The following TMEM131L variants were observed in gnomAD, a reference collection of about 807,000 sequenced individuals.
TMEM131L encodes transmembrane 131 like, also known as transmembrane protein 131-like.
A neutral mutation model predicts 192.2 loss-of-function variants in TMEM131L; 54 were observed. The observed-to-expected ratio is 0.28, with a 90% CI of 0.23 to 0.35. The LOEUF (loss-of-function observed/expected upper bound fraction) is 0.35, where lower values mean the gene tolerates loss of function less well. Ranked by LOEUF, TMEM131L falls within the 10% of genes least tolerant of loss-of-function variation. The pLI is 1.00. For missense variants in TMEM131L, 1,888 were observed against 1,972.9 expected (o/e 0.96, Z 0.82); for synonymous variants, 701 against 704.9 (o/e 0.99, Z 0.09).
intron 21 of TMEM131L, among the ~76,000 whole-genome samples, chr4:153,599,112 G>A (rs887415779): frequency 6.6e-5 from 10 of 152,144 alleles, no homozygotes; most frequent in African/African-American, 2.2e-4. Flanking sequence ...GCTGGCATCC[G>A]CTCAGCTTCT....
At chr4:153,582,671 C>A (rs916909864) in intron 9 of TMEM131L, among the ~76,000 whole-genome samples, 2 of 151,912 alleles carry the variant, frequency 1.3e-5, no homozygotes, top group East Asian at 3.9e-4. Context: ...CTCCTGTCCT[C>A]AGTGCTTGGT....
intron 3 of TMEM131L, among the ~76,000 whole-genome samples, chr4:153,543,762 A>G (rs1380151206): frequency 6.6e-6 from 1 of 152,144 alleles, no homozygotes; most frequent in Non-Finnish European, 1.5e-5. Context: ...CATCAGACAC[A>G]CTGTTTAGAA....
At chr4:153,556,846 G>A in intron 5 of TMEM131L, 120 bp from the exon 6 acceptor site, 1 of 481,048 alleles carries the variant, frequency 2.1e-6, no homozygotes, top group Non-Finnish European at 3.5e-6. Context: ...TCATAATACT[G>A]ATAAGGGTGC....
chr4:153,596,300 C>CATCT lies in TMEM131L; in HGVS notation c.2039_2042dup (p.Gln682SerfsTer17). 6.2e-7 allele frequency: 1 copy of CATCT among 1,614,006 alleles called. No individual in the cohort carries two copies. Among genetic ancestry groups the CATCT allele is most frequent in the Non-Finnish European group, 8.5e-7 (1 of 1,179,874 alleles). On this transcript the variant is annotated frameshift_variant, in exon 20 of 35. Transcript: ENST00000409959. LOFTEE classifies it high-confidence loss of function. ...ATCCAGGTTTGGCATCCTCCACTTACATCTGCAGCCTTTGGAAATGAAAAG... is the reference window on the plus strand; with the variant it reads ...ATCCAGGTTTGGCATCCTCCACTTACATCTATCTGCAGCCTTTGGAAATGAAAAG...
At chr4:153,579,641 C>T (rs1048860889) in intron 7 of TMEM131L, among the ~76,000 whole-genome samples, 1 of 152,030 alleles carries the variant, frequency 6.6e-6, no homozygotes, top group Non-Finnish European at 1.5e-5. Flanking sequence ...CTGGCTAATT[C>T]TGGTATTTTT....
At chr4:153,583,480 G>A (rs1730497911) in intron 10 of TMEM131L, 84 bp from the exon 11 acceptor site, 20 of 953,630 alleles carry the variant, frequency 2.1e-5, no homozygotes. Context: ...GCTGGTCTGT[G>A]CTATTTATTC....
chr4:153,624,990 C>T (rs981493249), intron 29 of TMEM131L, among the ~76,000 whole-genome samples: 3 of 152,330 alleles, frequency 2.0e-5, no homozygotes, highest in African/African-American at 4.8e-5. Flanking sequence ...TGTCTTGTCT[C>T]GCTCAGCCTT....
intron 2 of TMEM131L, among the ~76,000 whole-genome samples, chr4:153,470,675 G>A (rs1731088108): frequency 6.6e-6 from 1 of 152,218 alleles, no homozygotes; most frequent in East Asian, 1.9e-4. Context: ...AATTGGGTGT[G>A]TGCAGGATAC....
intron 7 of TMEM131L, among the ~76,000 whole-genome samples, chr4:153,565,227 C>G (rs1057183211): frequency 6.6e-6 from 1 of 152,148 alleles, no homozygotes; most frequent in Non-Finnish European, 1.5e-5. Flanking sequence ...TAATCTCTAT[C>G]AATTTCGTGT....
intron 19 of TMEM131L, 116 bp from the exon 20 acceptor site, chr4:153,596,142 G>C: frequency 1.7e-6 from 2 of 1,204,240 alleles, no homozygotes; most frequent in Admixed American, 2.0e-5. Context: ...TTGATTAGGA[G>C]GATCAAATCT....
At chr4:153,620,580 G>A (rs1733322254) in intron 26 of TMEM131L, among the ~76,000 whole-genome samples, 176 bp from the exon 27 acceptor site, 1 of 152,176 alleles carries the variant, frequency 6.6e-6, no homozygotes, top group Non-Finnish European at 1.5e-5. Context: ...TGTGGAGCTT[G>A]AGGGAAGTAG....
chr4:153,476,277 C>T (rs1731532390), intron 3 of TMEM131L, among the ~76,000 whole-genome samples: 1 of 151,992 alleles, frequency 6.6e-6, no homozygotes, highest in South Asian at 2.1e-4. Flanking sequence ...TAACTTAATT[C>T]AGAAGGAAAA....
intron 25 of TMEM131L, among the ~76,000 whole-genome samples, chr4:153,605,588 C>T (rs781208268): frequency 3.3e-5 from 5 of 152,196 alleles, no homozygotes; most frequent in African/African-American, 4.8e-5. Context: ...AGGCTGAGCT[C>T]GAGCAATCTG....
At chr4:153,623,471 A>G (rs1217744689) in intron 29 of TMEM131L, among the ~76,000 whole-genome samples, 4 of 152,238 alleles carry the variant, frequency 2.6e-5, no homozygotes, top group Middle Eastern at 3.4e-3. Context: ...TTATCTTGCA[A>G]AACTGAAACT....
chr4:153,495,337 C>A (rs1289193082), intron 3 of TMEM131L, among the ~76,000 whole-genome samples: 4 of 151,278 alleles, frequency 2.6e-5, no homozygotes, highest in African/African-American at 9.7e-5. Context: ...AAAAAAAAAA[C>A]AAGTAAGTTA....
chr4:153,489,149 G>A (rs532663310), intron 3 of TMEM131L, among the ~76,000 whole-genome samples: 1 of 152,256 alleles, frequency 6.6e-6, no homozygotes, highest in South Asian at 2.1e-4. Flanking sequence ...AGCGAGACTC[G>A]TCTGTGAGCC....
chr4:153,548,953 T>C (rs535545428), intron 3 of TMEM131L, among the ~76,000 whole-genome samples: 125 of 152,248 alleles, frequency 8.2e-4, no homozygotes, highest in African/African-American at 2.9e-3. Flanking sequence ...GGAAAGATTC[T>C]ATTTACTTAT....
intron 3 of TMEM131L, among the ~76,000 whole-genome samples, chr4:153,518,159 T>A (rs1229253045): frequency 6.6e-6 from 1 of 152,192 alleles, no homozygotes; most frequent in African/African-American, 2.4e-5. Context: ...CTGTTTAGAA[T>A]TGAGGCCGAG....
At chr4:153,621,435 A>G (rs753531677) in intron 27 of TMEM131L, among the ~76,000 whole-genome samples, 1 of 152,078 alleles carries the variant, frequency 6.6e-6, no homozygotes, top group Non-Finnish European at 1.5e-5. Flanking sequence ...CAGAATTCGA[A>G]CCCAGGCAGT....
Sources: gnomAD v4.1 joint callset for allele counts (sites outside exome capture counted in the v4.1 genomes callset) on GRCh38, gnomAD v4.1.1 for gene constraint, MANE v1.5 for transcripts, NCBI Gene and HGNC (gene_info 2026-07-23, HGNC 2026-07-21) for gene names.